Variants in ATG10 observed in about 807,000 individuals in gnomAD.
ATG10 encodes the protein autophagy related 10, also known as ubiquitin-like-conjugating enzyme ATG10.
A neutral mutation model predicts 32.1 loss-of-function variants in ATG10; 30 were observed. That is an observed-to-expected ratio of 0.94 (90% CI 0.70 to 1.27). The LOEUF (loss-of-function observed/expected upper bound fraction) is 1.27, where lower values mean the gene tolerates loss of function less well. ATG10 is among the 50% of genes most tolerant of loss of function. The pLI is 0.00. For missense variants in ATG10, 233 were observed against 262.3 expected, an observed-to-expected ratio of 0.89 and a Z score of 0.77; for synonymous variants, 87 against 91.5, an observed-to-expected ratio of 0.95 and a Z score of 0.28.
At chr5:82,092,522 C>G (rs1215857044) in intron 3 of ATG10, among the ~76,000 whole-genome samples, 1 of 152,144 alleles carries the variant, frequency 6.6e-6, no homozygotes, top group Non-Finnish European at 1.5e-5. Context: ...CACCTGGAGT[C>G]AATTCTGAGG....
At chr5:82,075,505 G>C (rs1764247843) in intron 3 of ATG10, among the ~76,000 whole-genome samples, 1 of 152,106 alleles carries the variant, frequency 6.6e-6, no homozygotes, top group Non-Finnish European at 1.5e-5. Flanking sequence ...AGCTAATTTA[G>C]AATTTGTTAA....
chr5:82,218,418 A>G (rs902334460), intron 5 of ATG10, among the ~76,000 whole-genome samples: 3 of 152,208 alleles, frequency 2.0e-5, no homozygotes, highest in Non-Finnish European at 4.4e-5. Context: ...TTGTTGGTAC[A>G]GAATGATCAT....
chr5:82,176,139 C>A (rs1327504224), intron 4 of ATG10, among the ~76,000 whole-genome samples: 1 of 152,188 alleles, frequency 6.6e-6, no homozygotes, highest in East Asian at 1.9e-4. Context: ...TGAAACCCAG[C>A]ATTCTTCTCT....
At chr5:82,087,672 A>T (rs1307464479) in intron 3 of ATG10, among the ~76,000 whole-genome samples, 24 of 152,158 alleles carry the variant, frequency 1.6e-4, no homozygotes. Flanking sequence ...CCCCAACTGG[A>T]CACTAGTTTG....
In ATG10 at chr5:81,972,052, C is replaced by G. The variant is rs921444428; in HGVS notation, c.-267C>G. On this transcript the variant is annotated 5_prime_UTR_variant, in exon 1 of 8. Transcript: ENST00000282185. The stretch of plus-strand genomic sequence containing the variant: ...TGCGCACGCTCCGACTCGGCCGTGG[C>G]GGACCTGACTGAAGGAGGCCGCGGA... 3.3e-5 allele frequency: 5 copies of G among 151,812 alleles called. No individual in the cohort carries two copies. Among genetic ancestry groups the G allele is most frequent in the African/African-American group, 1.2e-4 (5 of 41,240 alleles). 9.4% of individuals were successfully genotyped at this position (151,812 alleles called of 1,614,324 possible).
At chr5:82,152,355 G>A (rs1767638330) in intron 3 of ATG10, among the ~76,000 whole-genome samples, 1 of 152,236 alleles carries the variant, frequency 6.6e-6, no homozygotes, top group Admixed American at 6.5e-5. Flanking sequence ...ACGACTGTGA[G>A]CAGGACTGGC....
intron 3 of ATG10, among the ~76,000 whole-genome samples, chr5:82,062,902 A>G (rs915184368): frequency 6.6e-6 from 1 of 152,248 alleles, no homozygotes; most frequent in African/African-American, 2.4e-5. Flanking sequence ...TCAACATTAG[A>G]CAGAGATGTA....
chr5:82,040,428 C>T (rs1049200172), intron 2 of ATG10, among the ~76,000 whole-genome samples: 6 of 152,102 alleles, frequency 3.9e-5, no homozygotes, highest in South Asian at 2.1e-4. Context: ...TTACTGGTGG[C>T]ATTGAAAGGC....
intron 3 of ATG10, among the ~76,000 whole-genome samples, chr5:82,138,725 T>G (rs1193120682): frequency 6.6e-6 from 1 of 152,102 alleles, no homozygotes; most frequent in Non-Finnish European, 1.5e-5. Flanking sequence ...TTAAAAATAT[T>G]TTTGACATAT....
intron 3 of ATG10, among the ~76,000 whole-genome samples, chr5:82,097,520 T>TA (rs1765109887): frequency 6.6e-6 from 1 of 152,210 alleles, no homozygotes; most frequent in African/African-American, 2.4e-5. Context: ...TAGCCATGTT[T>TA]AAAAACGAAA....
intron 3 of ATG10, among the ~76,000 whole-genome samples, chr5:82,105,453 T>C (rs753446893): frequency 1.4e-4 from 21 of 152,222 alleles, no homozygotes; most frequent in Non-Finnish European, 2.6e-4. Flanking sequence ...GTTAAATCTT[T>C]TGGGATGTAA....
At chr5:82,175,885 A>ACG (rs1491069637) in intron 4 of ATG10, among the ~76,000 whole-genome samples, 1 of 133,284 alleles carries the variant, frequency 7.5e-6, no homozygotes, top group Non-Finnish European at 1.8e-5. Flanking sequence ...ACACACACAC[A>ACG]CGCACACACA....
chr5:82,171,632 AGT>A (rs1743812505), intron 4 of ATG10, among the ~76,000 whole-genome samples: 1 of 152,172 alleles, frequency 6.6e-6, no homozygotes, highest in Admixed American at 6.5e-5. Context: ...CCAAATTGGA[AGT>A]GTGTTTGGAT....
At chr5:82,022,329 A>G (rs1581607478) in intron 2 of ATG10, among the ~76,000 whole-genome samples, 1 of 149,192 alleles carries the variant, frequency 6.7e-6, no homozygotes, top group Non-Finnish European at 1.5e-5. Context: ...TAAAATGAGT[A>G]CTTTTTTTTT....
chr5:82,099,816 G>A (rs1765197726), intron 3 of ATG10, among the ~76,000 whole-genome samples: 1 of 151,992 alleles, frequency 6.6e-6, no homozygotes, highest in African/African-American at 2.4e-5. Context: ...AATCTGAAAA[G>A]CAGCATAATC....
At chr5:82,116,715 A>G (rs965600683) in intron 3 of ATG10, among the ~76,000 whole-genome samples, 26 of 152,280 alleles carry the variant, frequency 1.7e-4, no homozygotes, top group Admixed American at 7.9e-4. Flanking sequence ...TCCTATTTCA[A>G]TCAGGATTCC....
At chr5:82,127,903 T>C (rs1342988436) in intron 3 of ATG10, among the ~76,000 whole-genome samples, 4 of 152,098 alleles carry the variant, frequency 2.6e-5, no homozygotes, top group Non-Finnish European at 5.9e-5. Flanking sequence ...CCACTATTAT[T>C]GTGTGGGAGT....
At chr5:82,157,814 C>T (rs1455344901) in intron 3 of ATG10, among the ~76,000 whole-genome samples, 1 of 152,160 alleles carries the variant, frequency 6.6e-6, no homozygotes, top group Non-Finnish European at 1.5e-5. Context: ...CAGCTAAGGA[C>T]TGTGGACTGT....
intron 5 of ATG10, among the ~76,000 whole-genome samples, chr5:82,190,458 T>C (rs1744611758): frequency 6.6e-6 from 1 of 152,010 alleles, no homozygotes; most frequent in Non-Finnish European, 1.5e-5. Flanking sequence ...TAAATACATC[T>C]TCATTTTCCC....
Sources: gnomAD v4.1 joint callset for allele counts (sites outside exome capture counted in the v4.1 genomes callset) on GRCh38, gnomAD v4.1.1 for gene constraint, MANE v1.5 for transcripts, NCBI Gene and HGNC (gene_info 2026-07-23, HGNC 2026-07-21) for gene names.